The following ZNHIT1 variants were observed in gnomAD, a reference collection of about 807,000 sequenced individuals.
The protein encoded by ZNHIT1 is zinc finger HIT-type containing 1, also known as zinc finger HIT domain-containing protein 1.
A neutral mutation model predicts 21.4 loss-of-function variants in ZNHIT1; 20 were observed. The observed-to-expected ratio is 0.93, with a 90% CI of 0.66 to 1.36. The LOEUF (loss-of-function observed/expected upper bound fraction) is 1.36. ZNHIT1 is among the 40% of genes most tolerant of loss of function. The pLI is 0.00. For missense variants in ZNHIT1, 170 were observed against 213.5 expected (o/e 0.80, Z 1.27); for synonymous variants, 79 against 84.0 (o/e 0.94, Z 0.32).
intron 2 of ZNHIT1, 35 bp downstream of exon 2, chr7:101,222,809 C>T: frequency 6.2e-7 from 1 of 1,603,066 alleles, no homozygotes; most frequent in African/African-American, 1.3e-5. Flanking sequence ...GGGGATGGGA[C>T]TGAGAGGAGG....
chr7:101,223,472 C>T lies in ZNHIT1; in HGVS notation c.194-5C>T. 1 of 1,614,078 alleles carries T rather than the reference C, an allele frequency of 6.2e-7. No homozygotes were observed. Among genetic ancestry groups the T allele is most frequent in the Non-Finnish European group, 8.5e-7 (1 of 1,179,974 alleles). The stretch of plus-strand genomic sequence containing the variant: ...GCCAAGCAACGGATCACCCTTGACC[C>T]CTAGGAAAGAAAAAGAAGAAAACCC... On this transcript the variant is annotated splice_polypyrimidine_tract_variant and splice_region_variant and intron_variant, in intron 2 of 4. Coordinates refer to ENST00000305105, the MANE Select transcript of ZNHIT1 (RefSeq NM_006349.3).
Position 101,223,473 on chromosome 7 carries a change from C to T in ZNHIT1, c.194-4C>T. Reference sequence around the variant, plus strand: ...CCAAGCAACGGATCACCCTTGACCCCTAGGAAAGAAAAAGAAGAAAACCCG... The same window carrying T: ...CCAAGCAACGGATCACCCTTGACCCTTAGGAAAGAAAAAGAAGAAAACCCG... On this transcript the variant is annotated splice_polypyrimidine_tract_variant and splice_region_variant and intron_variant, in intron 2 of 4. Coordinates refer to ENST00000305105, the MANE Select transcript of ZNHIT1 (RefSeq NM_006349.3). 1 of 1,614,090 alleles carries T rather than the reference C, an allele frequency of 6.2e-7. No homozygotes were observed. The highest frequency in any genetic ancestry group is 8.5e-7 in the Non-Finnish European group (1 of 1,179,986).
In ZNHIT1 at chr7:101,224,186, C is replaced by T. The variant is rs561453931; in HGVS notation, c.*228C>T. 28 of 639,084 alleles carry T rather than the reference C, an allele frequency of 4.4e-5. No individual in the cohort carries two copies. In the East Asian group the frequency reaches 5.8e-4, roughly 13 times the overall value. The allele number at this position is 639,084 out of a possible 1,614,324, so 39.6% of individuals were successfully genotyped here. On this transcript the variant is annotated 3_prime_UTR_variant, in exon 5 of 5. Transcript: ENST00000305105. Reference sequence around the variant, plus strand: ...GCTGTTAGAATAAAAAGCCTCGTGCCGGAAGCCTTCCTGTTTGGTCGTGGT... The same window carrying T: ...GCTGTTAGAATAAAAAGCCTCGTGCTGGAAGCCTTCCTGTTTGGTCGTGGT...
At chr7:101,218,621 G>C (rs1220762352) in intron 1 of ZNHIT1, 1 of 209,378 alleles carries the variant, frequency 4.8e-6, no homozygotes, top group African/African-American at 2.3e-5. Context: ...GGGTCCTGGC[G>C]TTGACCCTTC....
At chr7:101,222,319 A>G (rs905946346) in intron 1 of ZNHIT1, 40 of 414,630 alleles carry the variant, frequency 9.6e-5, no homozygotes, top group Non-Finnish European at 1.6e-4. Context: ...CTCCCCAGTC[A>G]GCAGTGAGCT....
chr7:101,223,616 G>A, intron 3 of ZNHIT1, 57 bp from the exon 4 acceptor site: 2 of 1,613,624 alleles, frequency 1.2e-6, no homozygotes, highest in Non-Finnish European at 8.5e-7. Context: ...GGCCCGGGCA[G>A]GTGTTCGCTG....
rs752561113 is a variant in ZNHIT1 at position 101,218,220 on chromosome 7, A to T, written c.22+3A>T. 10 of 1,612,734 alleles carry T rather than the reference A, an allele frequency of 6.2e-6. No individual in the cohort carries two copies. The highest frequency in any genetic ancestry group is 1.1e-5 in the South Asian group (1 of 90,972). On this transcript the variant is annotated splice_donor_region_variant and intron_variant, in intron 1 of 4. Transcript: ENST00000305105. ...AATGGTGGAGAAGAAAACTTCGGGTATGTGAGCCCCCGCGGTTCGCCCCCT... is the reference window on the plus strand; with the variant it reads ...AATGGTGGAGAAGAAAACTTCGGGTTTGTGAGCCCCCGCGGTTCGCCCCCT...
At position 101,222,419 on chromosome 7, in the gene ZNHIT1, G is replaced by A. The variant is rs117007932; in HGVS notation, c.23-185G>A. On this transcript the variant is annotated intron_variant, in intron 1 of 4. Transcript: ENST00000305105. ...AGAAACTGAAAGGGTCTCAGCTGGC[G>A]GGACAGGAAGTGTGGGCCCAGGGCT... 247 of 547,122 alleles carry A rather than the reference G, an allele frequency of 4.5e-4. 2 individuals are homozygous for A. In the East Asian group the frequency reaches 7.1e-3, roughly 16 times the overall value. 33.9% of individuals were successfully genotyped at this position (547,122 alleles called of 1,614,324 possible). A position where few individuals can be genotyped will look rare whatever the true frequency, so the allele number is the denominator to read the frequency against.
chr7:101,218,385 C>CA, intron 1 of ZNHIT1, 168 bp downstream of exon 1: 1 of 711,018 alleles, frequency 1.4e-6, no homozygotes. Context: ...ACCATCCTCC[C>CA]ACCTCAGCCT....
Position 101,220,266 on chromosome 7 carries a change from T to C in ZNHIT1, c.22+2049T>C, listed in dbSNP as rs530084915. 2.0e-5 allele frequency: 3 copies of C among 152,014 alleles called. No homozygotes were observed. In the East Asian group the frequency reaches 5.8e-4, roughly 29 times the overall value. 9.4% of individuals were successfully genotyped at this position (152,014 alleles called of 1,614,324 possible). A position where few individuals can be genotyped will look rare whatever the true frequency, so the allele number is the denominator to read the frequency against. On this transcript the variant is annotated intron_variant, in intron 1 of 4. Transcript: ENST00000305105. Reference sequence around the variant, plus strand: ...TCCTGAATAGCTGGGACTACAGGTGTGTCCCACTACACCTGGCTAATTTTT... The same window carrying C: ...TCCTGAATAGCTGGGACTACAGGTGCGTCCCACTACACCTGGCTAATTTTT...
intron 2 of ZNHIT1, 144 bp from the exon 3 acceptor site, chr7:101,223,333 C>T (rs1193191440): frequency 4.5e-6 from 4 of 885,292 alleles, no homozygotes; most frequent in Non-Finnish European, 7.1e-6. Flanking sequence ...GTCAAGATCG[C>T]ACCACTGCAC....
chr7:101,219,215 C>T (rs558922096), intron 1 of ZNHIT1: 1 of 151,724 alleles, frequency 6.6e-6, no homozygotes, highest in South Asian at 2.1e-4. Context: ...GTGATTCTTC[C>T]ACCTCAGCCA....
intron 1 of ZNHIT1, 141 bp from the exon 2 acceptor site, chr7:101,222,463 G>C: frequency 2.0e-6 from 2 of 1,000,766 alleles, no homozygotes; most frequent in Non-Finnish European, 2.9e-6. Flanking sequence ...GAGGAGACAA[G>C]GGGACCAAGG....
Position 101,222,618 on chromosome 7 carries a change from CCCGGG to C in ZNHIT1, c.39_43del (p.Gly14AlafsTer23). 1 of 1,613,000 alleles carries C rather than the reference CCCGGG, an allele frequency of 6.2e-7. No homozygotes were observed. The highest frequency in any genetic ancestry group is 1.7e-5 in the Admixed American group (1 of 59,904). Reference sequence around the variant, plus strand: ...GCTCCATCCAGTTCGCTCCCAGGACCCCGGGCAGCGGCGGGTGCTGGACCGGGCTG... The same window carrying C: ...GCTCCATCCAGTTCGCTCCCAGGACCCAGCGGCGGGTGCTGGACCGGGCTG... On this transcript the variant is annotated frameshift_variant, in exon 2 of 5. Transcript: ENST00000305105. LOFTEE classifies it high-confidence loss of function.
chr7:101,222,735 G>T lies in ZNHIT1; in HGVS notation c.154G>T (p.Gly52Cys), dbSNP rs772189397. 105 of 1,614,042 alleles carry T rather than the reference G, an allele frequency of 6.5e-5. No homozygotes were observed. The East Asian group carries it at 2.2e-3, about 34-fold the overall frequency. The change falls in exon 2 of 5, where the codon GGC becomes TGC. Residue 52 changes from glycine (G) to cysteine (C), a missense_variant. Transcript: ENST00000305105. Reference sequence around the variant, plus strand: ...CCCCCACGCGGGACTCCCTCAGCTCGGCAAGAGACTGCCTCAGTTTGATGA... The same window carrying T: ...CCCCCACGCGGGACTCCCTCAGCTCTGCAAGAGACTGCCTCAGTTTGATGA... The part of the protein sequence containing the change: ...DDPHAGLPQL[G>C]KRLPQFDDDA...
In ZNHIT1 at chr7:101,223,497, C is replaced by T. The variant is rs1436303008; in HGVS notation, c.214C>T (p.Arg72Ter). The change falls in exon 3 of 5, where the codon CGA (arginine) becomes TGA (stop). Residue 72 changes from arginine to a stop codon, truncating the protein, a stop_gained. Coordinates refer to ENST00000305105, the MANE Select transcript of ZNHIT1 (RefSeq NM_006349.3). LOFTEE classifies it high-confidence loss of function. ...CCTAGGAAAGAAAAAGAAGAAAACC[C>T]GAGGTGATCATTTTAAACTTCGCTT... ...ADTGKKKKKTRGDHFKLRFRK... is the reference protein window; with the variant it reads ...ADTGKKKKKT The T allele has an allele frequency of 2.5e-6, 4 of 1,614,042 alleles. No individual in the cohort carries two copies. The highest frequency in any genetic ancestry group is 3.3e-5 in the Admixed American group (2 of 59,998).
In ZNHIT1 at chr7:101,222,625, A is replaced by G; in HGVS notation, c.44A>G (p.Gln15Arg). The change falls in exon 2 of 5, where the codon CAG becomes CGG. Residue 15 changes from glutamine (Q) to arginine (R), a missense_variant. Gln to Arg is a conservative substitution (Grantham distance 43). Coordinates refer to ENST00000305105, the MANE Select transcript of ZNHIT1 (RefSeq NM_006349.3). ...CCAGTTCGCTCCCAGGACCCCGGGC[A>G]GCGGCGGGTGCTGGACCGGGCTGCC... ...KTSVRSQDPG[Q>R]RRVLDRAARQ... 1.2e-6 allele frequency: 2 copies of G among 1,610,484 alleles called. No individual in the cohort carries two copies. The highest frequency in any genetic ancestry group is 1.7e-6 in the Non-Finnish European group (2 of 1,177,456).
chr7:101,223,002 G>T (rs1361020099), intron 2 of ZNHIT1, among the ~76,000 whole-genome samples: 2 of 152,218 alleles, frequency 1.3e-5, no homozygotes, highest in African/African-American at 2.4e-5. Context: ...AGGCTTGGGG[G>T]CATGGAGGTG....
chr7:101,218,424 G>T, intron 1 of ZNHIT1: 1 of 574,186 alleles, frequency 1.7e-6, no homozygotes, highest in Non-Finnish European at 3.1e-6. Context: ...CAAGCATGAG[G>T]CCCCACGCCT....
Sources: gnomAD v4.1 joint callset for allele counts (sites outside exome capture counted in the v4.1 genomes callset) on GRCh38, gnomAD v4.1.1 for gene constraint, MANE v1.5 for transcripts, NCBI Gene and HGNC (gene_info 2026-07-23, HGNC 2026-07-21) for gene names.